Variants in KDM6A observed in about 807,000 individuals in gnomAD.
KDM6A encodes lysine-specific demethylase 6A.
A neutral mutation model predicts 117.6 loss-of-function variants in KDM6A; 11 were observed. The observed-to-expected ratio is 0.09, with a 90% CI of 0.06 to 0.15. The LOEUF is 0.15. Among genes scored for constraint, KDM6A ranks in the 10% least tolerant of loss-of-function variants. The probability of loss-of-function intolerance (pLI) is 1.00; values close to 1 mark genes in which losing one functional copy is unlikely to be tolerated. For synonymous variants in KDM6A, 384 were observed against 396.1 expected (o/e 0.97, Z 0.36); for missense variants, 799 against 1,077.3 (o/e 0.74, Z 3.62).
chrX:45,045,747 G>A (rs2043504565), intron 8 of KDM6A, among the ~76,000 whole-genome samples: 1 of 111,096 alleles, frequency 9.0e-6, no homozygotes, highest in Non-Finnish European at 1.9e-5. Context: ...ACCACATTTT[G>A]TTTATCCATT....
intron 10 of KDM6A, among the ~76,000 whole-genome samples, chrX:45,055,738 G>A (rs2044043650): frequency 9.0e-6 from 1 of 111,713 alleles, no homozygotes; most frequent in African/African-American, 3.2e-5. Flanking sequence ...CTGGGAAACA[G>A]TAGGTGCCTG....
intron 8 of KDM6A, among the ~76,000 whole-genome samples, chrX:45,041,392 C>G (rs1454095014): frequency 2.0e-5 from 2 of 101,440 alleles, no homozygotes; most frequent in African/African-American, 7.4e-5. Context: ...AGAGGAGCCC[C>G]TCACCTCCCG....
rs140691717 is a variant in KDM6A at position 44,959,184 on chromosome X, G to A, written c.226-2100G>A. Among the ~76,000 whole-genome samples the A allele has an allele frequency of 8.0e-3, 882 of 110,418 alleles. 10 individuals carry two copies. The highest frequency in any genetic ancestry group is 0.028 in the African/African-American group (842 of 30,410). Reference sequence around the variant, plus strand: ...CATCATTGACCACCAACGTTGTTTGGTAGGTGCATGGCAGCTTTATGGGGA... The same window carrying A: ...CATCATTGACCACCAACGTTGTTTGATAGGTGCATGGCAGCTTTATGGGGA... On this transcript the variant is annotated intron_variant, in intron 2 of 29. Transcript: ENST00000611820.
intron 8 of KDM6A, among the ~76,000 whole-genome samples, chrX:45,050,169 A>G (rs1436806270): frequency 8.9e-6 from 1 of 112,695 alleles, no homozygotes; most frequent in Admixed American, 9.3e-5. Flanking sequence ...GAGAAACCCC[A>G]TTTCTACTAA....
At chrX:45,035,498 A>AT (rs1223169629) in intron 7 of KDM6A, among the ~76,000 whole-genome samples, 1 of 110,931 alleles carries the variant, frequency 9.0e-6, no homozygotes, top group South Asian at 3.7e-4. Context: ...CTAACAAAGT[A>AT]TTTTTTTCCA....
At chrX:44,895,408 C>G (rs149828576) in intron 2 of KDM6A, among the ~76,000 whole-genome samples, 1 of 107,834 alleles carries the variant, frequency 9.3e-6, no homozygotes, top group Non-Finnish European at 1.9e-5. Context: ...CATGAGCCAC[C>G]GCTCTGGGCC....
intron 2 of KDM6A, among the ~76,000 whole-genome samples, chrX:44,913,001 A>C (rs1029071329): frequency 1.8e-5 from 2 of 111,874 alleles, no homozygotes; most frequent in Non-Finnish European, 3.8e-5. Context: ...CTGTAAAATA[A>C]GGATAATAGT....
intron 5 of KDM6A, among the ~76,000 whole-genome samples, chrX:45,017,532 T>TTTAC (rs2042016606): frequency 1.1e-5 from 1 of 93,301 alleles, no homozygotes; most frequent in African/African-American, 6.4e-5. Flanking sequence ...TTCTTATTTA[T>TTTAC]TTACTTGTTT....
chrX:44,903,778 A>G (rs1224570779), intron 2 of KDM6A, among the ~76,000 whole-genome samples: 2 of 111,687 alleles, frequency 1.8e-5, no homozygotes, highest in Non-Finnish European at 3.8e-5. Flanking sequence ...ATTTTGTCCT[A>G]TTAAAATATA....
chrX:45,075,539 A>G lies in KDM6A; in HGVS notation c.2859-1158A>G, dbSNP rs137935139. Among the ~76,000 whole-genome samples the G allele has an allele frequency of 1.3e-3, 141 of 111,445 alleles. 3 individuals carry two copies. In the East Asian group the frequency reaches 0.038, roughly 30 times the overall value. ...TTTAAATGTAAATCATTCCTTTGAGACCTGCCATGAACTTTGTTGTTTTTA... is the reference window on the plus strand; with the variant it reads ...TTTAAATGTAAATCATTCCTTTGAGGCCTGCCATGAACTTTGTTGTTTTTA... On this transcript the variant is annotated intron_variant, in intron 18 of 29. Coordinates refer to ENST00000611820, the MANE Select transcript of KDM6A (RefSeq NM_001291415.2).
At chrX:44,905,551 C>T (rs1177279293) in intron 2 of KDM6A, among the ~76,000 whole-genome samples, 2 of 111,710 alleles carry the variant, frequency 1.8e-5, no homozygotes, top group East Asian at 2.8e-4. Context: ...TACGTGGTTT[C>T]GAATTGTAGC....
At chrX:45,002,567 C>T (rs1206546271) in intron 4 of KDM6A, among the ~76,000 whole-genome samples, 1 of 112,097 alleles carries the variant, frequency 8.9e-6, no homozygotes, top group Non-Finnish European at 1.9e-5. Flanking sequence ...TCTTATGCCT[C>T]CTTTTAATCC....
intron 2 of KDM6A, among the ~76,000 whole-genome samples, chrX:44,949,676 T>C (rs1011422821): frequency 8.9e-6 from 1 of 112,052 alleles, no homozygotes; most frequent in Non-Finnish European, 1.9e-5. Flanking sequence ...CCTGAAGTGC[T>C]TGCTTTTTCC....
At chrX:44,901,279 G>T (rs993404999) in intron 2 of KDM6A, among the ~76,000 whole-genome samples, 1 of 110,559 alleles carries the variant, frequency 9.0e-6, no homozygotes, top group African/African-American at 3.3e-5. Flanking sequence ...TGCTCGGGAG[G>T]CTGAGGCAGG....
At chrX:44,932,213 G>A (rs1262054016) in intron 2 of KDM6A, among the ~76,000 whole-genome samples, 2 of 100,659 alleles carry the variant, frequency 2.0e-5, no homozygotes, top group Non-Finnish European at 4.0e-5. Context: ...TCCTGCCTCA[G>A]CCTCCCAAGT....
Position 44,914,680 on chromosome X carries a change from A to G in KDM6A, c.225+40693A>G, listed in dbSNP as rs1366039898. Among the ~76,000 whole-genome samples, 4 of 111,132 alleles carry G rather than the reference A, an allele frequency of 3.6e-5. No individual in the cohort carries two copies. In the East Asian group the frequency reaches 8.4e-4, roughly 23 times the overall value. On this transcript the variant is annotated intron_variant, in intron 2 of 29. Coordinates refer to ENST00000611820, the MANE Select transcript of KDM6A (RefSeq NM_001291415.2). ...TGTGGATAGGCTAAACTACTCATCA[A>G]AGTACCAGTTTTTGTAAGTTATTTA...
Position 45,079,286 on chromosome X carries a change from A to C in KDM6A, c.3235A>C (p.Arg1079=), listed in dbSNP as rs372647648. 8.3e-6 allele frequency: 10 copies of C among 1,203,517 alleles called. No individual in the cohort carries two copies. Among genetic ancestry groups the C allele is most frequent in the Non-Finnish European group, 1.1e-5 (10 of 889,800 alleles). ...GAAAATCTGGCATTGTGAAAGTAAT[A>C]GATCTCATACTACAATTGCTAAATA... ...TKKIWHCESN[R]SHTTIAKYAQ... The change falls in exon 21 of 30, where the codon AGA becomes CGA. Residue 1079 remains arginine, a synonymous_variant. Coordinates refer to ENST00000611820, the MANE Select transcript of KDM6A (RefSeq NM_001291415.2).
At chrX:44,989,632 G>A (rs1177418798) in intron 4 of KDM6A, among the ~76,000 whole-genome samples, 1 of 112,233 alleles carries the variant, frequency 8.9e-6, no homozygotes, top group Non-Finnish European at 1.9e-5. Context: ...TGAGGGCTGT[G>A]CCGGAGGCAG....
At chrX:45,043,596 A>G (rs1276884967) in intron 8 of KDM6A, among the ~76,000 whole-genome samples, 1 of 111,024 alleles carries the variant, frequency 9.0e-6, no homozygotes, top group Non-Finnish European at 1.9e-5. Context: ...GGGGAACATG[A>G]TGAAACCCTG....
Sources: gnomAD v4.1 joint callset for allele counts (sites outside exome capture counted in the v4.1 genomes callset) on GRCh38, gnomAD v4.1.1 for gene constraint, MANE v1.5 for transcripts, NCBI Gene and HGNC (gene_info 2026-07-23, HGNC 2026-07-21) for gene names.